The following ENOX1 variants were observed in gnomAD, a reference collection of about 807,000 sequenced individuals.
ENOX1 encodes candidate growth-related and time keeping constitutive hydroquinone (NADH) oxidase.
In ENOX1, 42 loss-of-function variants were observed where a neutral mutation model predicts 82.5. The ratio of observed to expected loss-of-function variants is 0.51; its 90% CI spans 0.40 to 0.66. The LOEUF (loss-of-function observed/expected upper bound fraction) is 0.66. Among genes scored for constraint, ENOX1 ranks in the 30% least tolerant of loss-of-function variants. ENOX1 has a pLI of 0.00. For missense variants in ENOX1, 608 were observed against 811.6 expected (o/e 0.75, Z 3.05); for synonymous variants, 271 against 282.2 (o/e 0.96, Z 0.40).
chr13:43,285,593 G>A (rs1315259027), intron 12 of ENOX1, among the ~76,000 whole-genome samples: 3 of 151,886 alleles, frequency 2.0e-5, no homozygotes, highest in Non-Finnish European at 4.4e-5. Flanking sequence ...ATCACCTGAG[G>A]TCAGGAGTTC....
intron 3 of ENOX1, among the ~76,000 whole-genome samples, chr13:43,419,092 C>T (rs973212340): frequency 3.9e-5 from 6 of 151,980 alleles, no homozygotes; most frequent in African/African-American, 9.7e-5. Context: ...GCAGGAGAAT[C>T]GCTTGAACAA....
chr13:43,295,604 C>G (rs1261149301), intron 12 of ENOX1, among the ~76,000 whole-genome samples: 1 of 152,092 alleles, frequency 6.6e-6, no homozygotes, highest in Non-Finnish European at 1.5e-5. Context: ...TTGTTTGTTA[C>G]AGAAATAATT....
At chr13:43,416,184 TCC>T in intron 3 of ENOX1, among the ~76,000 whole-genome samples, 3 of 124,152 alleles carry the variant, frequency 2.4e-5, no homozygotes, top group African/African-American at 6.8e-5. Flanking sequence ...ACAGAAGCGC[TCC>T]TCACATCCCA....
chr13:43,771,613 A>G (rs1951605841), intron 1 of ENOX1, among the ~76,000 whole-genome samples: 1 of 152,220 alleles, frequency 6.6e-6, no homozygotes, highest in Non-Finnish European at 1.5e-5. Flanking sequence ...CTAAGAGGTA[A>G]CAGTGGGTTT....
intron 12 of ENOX1, among the ~76,000 whole-genome samples, chr13:43,291,882 G>A (rs182957624): frequency 6.6e-6 from 1 of 152,254 alleles, no homozygotes. Flanking sequence ...TGGCATTCAA[G>A]GGATCCCCAC....
intron 2 of ENOX1, among the ~76,000 whole-genome samples, chr13:43,559,413 T>C (rs1410581809): frequency 6.6e-6 from 1 of 152,210 alleles, no homozygotes; most frequent in Non-Finnish European, 1.5e-5. Context: ...ACAACCTTAA[T>C]TTTCTGTATG....
rs114424979 is a variant in ENOX1 at position 43,515,872 on chromosome 13, C to T, written c.-218-31720G>A. On this transcript the variant is annotated intron_variant, in intron 2 of 16. Coordinates refer to ENST00000690772, the MANE Select transcript of ENOX1 (RefSeq NM_001347969.2). ...TCTCCCTGCTAACATGCCATGTATG[C>T]CCTCCTAATCTGACAAAACCTGGAC... Among the ~76,000 whole-genome samples, 429 of 152,252 alleles carry T rather than the reference C, an allele frequency of 2.8e-3. 1 individual carries two copies. The highest frequency in any genetic ancestry group is 1.0e-2 in the African/African-American group (414 of 41,558).
chr13:43,452,577 C>T (rs1257356659), intron 3 of ENOX1, among the ~76,000 whole-genome samples: 1 of 152,008 alleles, frequency 6.6e-6, no homozygotes. Flanking sequence ...GGATGGTGTG[C>T]AGTGGCATGA....
At chr13:43,284,613 A>T (rs2045582130) in intron 12 of ENOX1, among the ~76,000 whole-genome samples, 1 of 152,088 alleles carries the variant, frequency 6.6e-6, no homozygotes, top group African/African-American at 2.4e-5. Context: ...AAAATATGAT[A>T]ATTTATTTTT....
intron 1 of ENOX1, among the ~76,000 whole-genome samples, chr13:43,714,508 G>A (rs2087970896): frequency 1.3e-5 from 2 of 152,182 alleles, no homozygotes; most frequent in African/African-American, 2.4e-5. Context: ...AATGTTGACA[G>A]TGGGGTGTTA....
intron 2 of ENOX1, among the ~76,000 whole-genome samples, chr13:43,524,024 C>T (rs1012563587): frequency 2.6e-5 from 4 of 152,074 alleles, no homozygotes; most frequent in African/African-American, 7.2e-5. Context: ...CTTTCCTCAC[C>T]GGACCCATGG....
chr13:43,616,202 ATATTTT>A (rs1566642643), intron 2 of ENOX1, among the ~76,000 whole-genome samples: 27,813 of 41,202 alleles, frequency 0.68, 11,265 homozygotes, highest in Non-Finnish European at 0.87. Flanking sequence ...ATATATATAT[ATATTTT>A]TTTTTTTTTT....
chr13:43,562,987 A>AAAATCAAC (rs2153706071), intron 2 of ENOX1, among the ~76,000 whole-genome samples: 1 of 152,282 alleles, frequency 6.6e-6, no homozygotes, highest in East Asian at 1.9e-4. Context: ...ATCAAGACAG[A>AAAATCAAC]AAATCAACAA....
At chr13:43,588,785 G>T (rs529857082) in intron 2 of ENOX1, among the ~76,000 whole-genome samples, 2 of 152,164 alleles carry the variant, frequency 1.3e-5, no homozygotes, top group Non-Finnish European at 2.9e-5. Flanking sequence ...GGGGCACTTC[G>T]CATCCTAACC....
intron 2 of ENOX1, chr13:43,609,954 C>A: frequency 1.0e-6 from 1 of 967,112 alleles, no homozygotes; most frequent in Non-Finnish European, 1.2e-6. Flanking sequence ...TCTTTGGTTC[C>A]AAACATTTTT....
intron 2 of ENOX1, among the ~76,000 whole-genome samples, chr13:43,659,405 G>A (rs377470475): frequency 6.6e-6 from 1 of 151,880 alleles, no homozygotes; most frequent in South Asian, 2.1e-4. Flanking sequence ...TGGGAGAATC[G>A]CTTGAGCCTG....
chr13:43,568,393 C>T (rs371981809), intron 2 of ENOX1, among the ~76,000 whole-genome samples: 37 of 152,250 alleles, frequency 2.4e-4, no homozygotes, highest in African/African-American at 8.7e-4. Flanking sequence ...TTGTCTTCAG[C>T]AGCCGTGTCA....
intron 5 of ENOX1, among the ~76,000 whole-genome samples, chr13:43,382,083 T>C (rs1466559227): frequency 6.6e-6 from 1 of 152,082 alleles, no homozygotes; most frequent in Non-Finnish European, 1.5e-5. Context: ...CTATAGACAA[T>C]ATTCAGCATG....
chr13:43,504,143 TG>T (rs2077071081), intron 2 of ENOX1, among the ~76,000 whole-genome samples: 1 of 151,718 alleles, frequency 6.6e-6, no homozygotes, highest in Non-Finnish European at 1.5e-5. Flanking sequence ...ACCTCACACC[TG>T]TTAGGCTATT....
Sources: allele counts gnomAD v4.1 joint callset (sites outside exome capture counted in the v4.1 genomes callset), GRCh38; gene constraint gnomAD v4.1.1; transcripts MANE v1.5; gene names NCBI Gene and HGNC (gene_info 2026-07-23, HGNC 2026-07-21).